GNG4: variants seen among roughly 807,000 people sequenced by gnomAD.
GNG4 encodes the protein G protein subunit gamma 4, also known as guanine nucleotide-binding protein G(I)/G(S)/G(O) subunit gamma-4.
A neutral mutation model predicts 5.8 loss-of-function variants in GNG4; 4 were observed. The observed-to-expected ratio is 0.69, with a 90% confidence interval of 0.34 to 1.57. The LOEUF (loss-of-function observed/expected upper bound fraction) is 1.57, where lower values mean the gene tolerates loss of function less well. Ranked by LOEUF, GNG4 falls within the 40% of genes most tolerant of loss-of-function variation. The probability of loss-of-function intolerance (pLI) is 0.06; values close to 1 mark genes in which losing one functional copy is unlikely to be tolerated. For missense variants in GNG4, 96 were observed against 95.1 expected (o/e 1.01, Z -0.04); for synonymous variants, 29 against 32.9 (o/e 0.88, Z 0.41).
chr1:235,607,471 C>T (rs1467587887), intron 1 of GNG4, among the ~76,000 whole-genome samples: 1 of 152,184 alleles, frequency 6.6e-6, no homozygotes, highest in Non-Finnish European at 1.5e-5. Context: ...CCACTGGGTG[C>T]ACCGTGGGGC....
intron 3 of GNG4, among the ~76,000 whole-genome samples, chr1:235,573,634 G>A (rs1188647816): frequency 2.6e-5 from 4 of 151,994 alleles, no homozygotes; most frequent in Non-Finnish European, 4.4e-5. Context: ...AAAATTAGCC[G>A]GGTGTGGTGG....
At chr1:235,620,077 T>C (rs1436746279) in intron 1 of GNG4, among the ~76,000 whole-genome samples, 2 of 152,210 alleles carry the variant, frequency 1.3e-5, no homozygotes, top group Non-Finnish European at 2.9e-5. Context: ...AAAACTTTCG[T>C]TGGAGGTTGG....
chr1:235,569,721 C>T (rs1687288190), intron 3 of GNG4, among the ~76,000 whole-genome samples: 1 of 151,864 alleles, frequency 6.6e-6, no homozygotes. Flanking sequence ...GCGCCCACCA[C>T]TACGCCCAGC....
In GNG4 at chr1:235,607,121, A is replaced by G; in HGVS notation, c.-122-11610T>C. ...ACCCAGCTAATTTTTTTTTATTTTT[A>G]TTTTTAGTAGAAATGGGGTTTCACT... On this transcript the variant is annotated intron_variant, in intron 1 of 3. Transcript: ENST00000391854. Among the ~76,000 whole-genome samples the G allele has an allele frequency of 1.3e-5, 2 of 150,614 alleles. 1 individual carries two copies. The highest frequency in any genetic ancestry group is 1.3e-4 in the Admixed American group (2 of 15,122).
At chr1:235,601,248 G>A (rs536844138) in intron 1 of GNG4, among the ~76,000 whole-genome samples, 5 of 152,278 alleles carry the variant, frequency 3.3e-5, no homozygotes, top group Non-Finnish European at 7.4e-5. Flanking sequence ...TGAAAGATGT[G>A]GCTACTAGAA....
At chr1:235,580,594 G>A (rs1687603465) in intron 3 of GNG4, among the ~76,000 whole-genome samples, 1 of 152,084 alleles carries the variant, frequency 6.6e-6, no homozygotes, top group African/African-American at 2.4e-5. Context: ...CACCAACTCT[G>A]TTTCTGAACC....
intron 3 of GNG4, among the ~76,000 whole-genome samples, chr1:235,568,817 T>G (rs1687267608): frequency 6.6e-6 from 1 of 151,272 alleles, no homozygotes; most frequent in African/African-American, 2.4e-5. Context: ...TTTTTTCTTC[T>G]CTTTTCTTCT....
rs148290744 is a variant in GNG4, at chr1:235,572,044, C to T, written c.99+11696G>A. 7.3e-3 allele frequency among the ~76,000 whole-genome samples: 1,103 copies of T among 152,068 alleles called. 14 individuals are homozygous for T. Among genetic ancestry groups the T allele is most frequent in the African/African-American group, 0.025 (1,042 of 41,468 alleles). On this transcript the variant is annotated intron_variant, in intron 3 of 3. Coordinates refer to ENST00000391854, the MANE Select transcript of GNG4 (RefSeq NM_001098722.2). The stretch of plus-strand genomic sequence containing the variant: ...AGAGACAGGATCTCACTATGTTGCC[C>T]AGCCTGGTTTCAAACTCCTGAGCTC...
intron 3 of GNG4, among the ~76,000 whole-genome samples, chr1:235,555,927 G>A (rs1214716582): frequency 6.6e-6 from 1 of 151,962 alleles, no homozygotes; most frequent in Admixed American, 6.6e-5. Context: ...GAGTGCAGTA[G>A]GGCGATCTCA....
chr1:235,592,096 T>C (rs771248307), intron 2 of GNG4, among the ~76,000 whole-genome samples: 42 of 152,204 alleles, frequency 2.8e-4, no homozygotes, highest in Middle Eastern at 3.2e-3. Flanking sequence ...CATCTTAACA[T>C]ATGTCTCTGA....
Position 235,552,227 on chromosome 1 carries a change from G to A in GNG4, c.110C>T (p.Ala37Val). The change falls in exon 4 of 4, where the codon GCA becomes GTA. Residue 37 changes from alanine to valine, a missense_variant. Coordinates refer to ENST00000391854, the MANE Select transcript of GNG4 (RefSeq NM_001098722.2). ...ACMDRVKVSQ[A>V]AADLLAYCEA... ...ACAGTAGGCCAGGAGGTCCGCAGCTGCCTGGGAGACCTGTGAGGGCACAGA... is the reference window on the plus strand; with the variant it reads ...ACAGTAGGCCAGGAGGTCCGCAGCTACCTGGGAGACCTGTGAGGGCACAGA... The A allele has an allele frequency of 1.2e-6, 2 of 1,613,950 alleles. No individual in the cohort carries two copies. Among genetic ancestry groups the A allele is most frequent in the Non-Finnish European group, 1.7e-6 (2 of 1,179,856 alleles).
At chr1:235,634,994 T>TA (rs1247011350) in intron 1 of GNG4, among the ~76,000 whole-genome samples, 1 of 152,080 alleles carries the variant, frequency 6.6e-6, no homozygotes, top group Non-Finnish European at 1.5e-5. Context: ...CAGCAGCTGA[T>TA]AGAGGAAGGC....
chr1:235,604,469 G>C (rs570804556), intron 1 of GNG4, among the ~76,000 whole-genome samples: 1 of 152,334 alleles, frequency 6.6e-6, no homozygotes, highest in South Asian at 2.1e-4. Flanking sequence ...GGTGTTGGCA[G>C]GGTCACGCTC....
At chr1:235,583,381 G>C (rs1687687541) in intron 3 of GNG4, among the ~76,000 whole-genome samples, 1 of 152,182 alleles carries the variant, frequency 6.6e-6, no homozygotes, top group African/African-American at 2.4e-5. Flanking sequence ...CAAAATATCC[G>C]ATGTTGTTGA....
Position 235,644,043 on chromosome 1 carries a change from G to A in GNG4, c.-123+5619C>T, listed in dbSNP as rs1342449710. 6.6e-6 allele frequency among the ~76,000 whole-genome samples: 1 copy of A among 152,154 alleles called. No homozygotes were observed. Among genetic ancestry groups the A allele is most frequent in the Non-Finnish European group, 1.5e-5 (1 of 68,026 alleles). ...ATCTGCCCGAGAGAGTCCCCAAAAG[G>A]CACAATTCTACAAGGTCAACCAAGT... On this transcript the variant is annotated intron_variant, in intron 1 of 3. Transcript: ENST00000391854. The surrounding 1 kb of genome is among the most constrained non-coding windows in gnomAD (Gnocchi z 5.9).
At chr1:235,608,693 T>TA (rs1233686191) in intron 1 of GNG4, among the ~76,000 whole-genome samples, 1 of 148,272 alleles carries the variant, frequency 6.7e-6, no homozygotes, top group Non-Finnish European at 1.5e-5. Context: ...TTTTATTTTT[T>TA]TTTTTTTTGA....
chr1:235,587,850 T>A (rs1687859499), intron 2 of GNG4, among the ~76,000 whole-genome samples: 1 of 147,480 alleles, frequency 6.8e-6, no homozygotes, highest in South Asian at 2.2e-4. Context: ...AACGTGTGTG[T>A]AAGTGTATGG....
chr1:235,630,185 T>G (rs568053375), intron 1 of GNG4, among the ~76,000 whole-genome samples: 15 of 152,200 alleles, frequency 9.9e-5, no homozygotes, highest in African/African-American at 3.4e-4. Context: ...TAAAATAGAA[T>G]GAGTAACCTC....
chr1:235,563,547 TATC>T (rs1402820401), intron 3 of GNG4, among the ~76,000 whole-genome samples: 1 of 152,114 alleles, frequency 6.6e-6, no homozygotes, highest in Non-Finnish European at 1.5e-5. Context: ...ACTGGACAAT[TATC>T]ATGCATGTTT....
Sources: gnomAD v4.1 joint callset for allele counts (sites outside exome capture counted in the v4.1 genomes callset) on GRCh38, gnomAD v4.1.1 for gene constraint, Gnocchi (gnomAD v3.1) non-coding constraint, MANE v1.5 for transcripts, NCBI Gene and HGNC (gene_info 2026-07-23, HGNC 2026-07-21) for gene names.